SERPINA11: variants seen among roughly 807,000 people sequenced by gnomAD.
SERPINA11 encodes the protein serpin A11.
SERPINA11 carries 28 observed loss-of-function variants against 29.4 expected under a neutral mutation model. The observed-to-expected ratio is 0.95, with a 90% CI of 0.70 to 1.30. SERPINA11 has a LOEUF of 1.30. Ranked by LOEUF, SERPINA11 falls within the 50% of genes most tolerant of loss-of-function variation. SERPINA11 has a pLI of 0.00. For missense variants in SERPINA11, 530 were observed against 507.3 expected (o/e 1.04, Z -0.43); for synonymous variants, 253 against 206.6 (o/e 1.22, Z -1.92).
intron 1 of SERPINA11, among the ~76,000 whole-genome samples, chr14:94,449,629 C>CA: frequency 6.6e-6 from 1 of 150,670 alleles, no homozygotes; most frequent in Non-Finnish European, 1.5e-5. Flanking sequence ...TCTCTCCAGT[C>CA]ATTCTTTCAA....
intron 1 of SERPINA11, among the ~76,000 whole-genome samples, chr14:94,449,938 CA>C (rs1898556649): frequency 6.6e-6 from 1 of 152,178 alleles, no homozygotes; most frequent in African/African-American, 2.4e-5. Context: ...GGTCAGGCCC[CA>C]AGAGAAAGAA....
At position 94,446,597 on chromosome 14, in the gene SERPINA11, C is replaced by G; in HGVS notation, c.651G>C (p.Trp217Cys). Residue 217 changes from tryptophan to cysteine, a missense_variant, in exon 3 of 5, where the codon TGG becomes TGC. Coordinates refer to ENST00000334708, the MANE Select transcript of SERPINA11 (RefSeq NM_001080451.2). Reference sequence around the variant, plus strand: ...TCTGGTAGCGACTGAAAGGGTGCTTCCACTTGGCTTAGGACACAAAACCCA... The same window carrying G: ...TCTGGTAGCGACTGAAAGGGTGCTTGCACTTGGCTTAGGACACAAAACCCA... ...LANYIFFKAK[W>C]KHPFSRYQTQ... 1 of 1,613,318 alleles carries G rather than the reference C, an allele frequency of 6.2e-7. No individual in the cohort carries two copies. The highest frequency in any genetic ancestry group is 2.2e-5 in the East Asian group (1 of 44,890).
chr14:94,447,201 C>T (rs1898461505), intron 2 of SERPINA11, among the ~76,000 whole-genome samples: 1 of 152,168 alleles, frequency 6.6e-6, no homozygotes, highest in Non-Finnish European at 1.5e-5. Flanking sequence ...AGGCAAAAGC[C>T]CATTAAGATG....
chr14:94,449,636 T>A (rs576770484), intron 1 of SERPINA11, among the ~76,000 whole-genome samples: 1 of 151,506 alleles, frequency 6.6e-6, no homozygotes, highest in African/African-American at 2.4e-5. Context: ...AGTCATTCTT[T>A]CAATCATTCA....
In SERPINA11 at chr14:94,446,432, G is replaced by A. The variant is rs138198677; in HGVS notation, c.816C>T (p.Ala272=). The change falls in exon 3 of 5, where the codon GCC becomes GCT. Residue 272 remains alanine (A), a synonymous_variant. Coordinates refer to ENST00000334708, the MANE Select transcript of SERPINA11 (RefSeq NM_001080451.2). ...TVLQIEYRGN[A]LALLVLPDPG... ...GGTCAGGGAGGACCAGCAGCGCCAAGGCATTTCCTCTGTATTCTATCTGGA... is the reference window on the plus strand; with the variant it reads ...GGTCAGGGAGGACCAGCAGCGCCAAAGCATTTCCTCTGTATTCTATCTGGA... The A allele has an allele frequency of 1.1e-5, 17 of 1,614,036 alleles. No homozygotes were observed. Among genetic ancestry groups the A allele is most frequent in the African/African-American group, 4.0e-5 (3 of 74,928 alleles).
intron 1 of SERPINA11, among the ~76,000 whole-genome samples, chr14:94,452,131 C>A (rs1053157238): frequency 1.3e-5 from 2 of 152,134 alleles, no homozygotes; most frequent in African/African-American, 4.8e-5. Context: ...TTGAAGCACC[C>A]AGAATAGTCA....
intron 1 of SERPINA11, among the ~76,000 whole-genome samples, chr14:94,451,787 G>A (rs528524712): frequency 6.6e-6 from 1 of 152,298 alleles, no homozygotes; most frequent in East Asian, 1.9e-4. Context: ...GACAGTCAAA[G>A]TACAAAGCTC....
rs1243656394 is a variant in SERPINA11, at chr14:94,448,477, G to T, written c.298C>A (p.Leu100Met). The change falls in exon 2 of 5, where the codon CTG (leucine) becomes ATG (methionine). Residue 100 changes from leucine to methionine, a missense_variant. Coordinates refer to ENST00000334708, the MANE Select transcript of SERPINA11 (RefSeq NM_001080451.2). ...GAQANTSALI[L>M]EGLGFNLTET... is the part of the protein sequence containing the mutation. ...GTGAGGTTGAATCCCAGGCCCTCCAGGATCAGAGCTGAGGTGTTAGCTTGG... is the reference window on the plus strand; with the variant it reads ...GTGAGGTTGAATCCCAGGCCCTCCATGATCAGAGCTGAGGTGTTAGCTTGG... The T allele has an allele frequency of 3.7e-6, 6 of 1,614,094 alleles. No individual in the cohort carries two copies. The highest frequency in any genetic ancestry group is 5.1e-6 in the Non-Finnish European group (6 of 1,180,046).
At chr14:94,447,382 G>A (rs144637219) in intron 2 of SERPINA11, among the ~76,000 whole-genome samples, 205 of 152,270 alleles carry the variant, frequency 1.3e-3, no homozygotes, top group Middle Eastern at 6.8e-3. Context: ...CAATGACCAA[G>A]TATTGCTGAT....
chr14:94,449,478 TTTCTGTC>T, intron 1 of SERPINA11, among the ~76,000 whole-genome samples: 1 of 116,512 alleles, frequency 8.6e-6, no homozygotes, highest in African/African-American at 4.5e-5. Context: ...TCTTTCTTTC[TTTCTGTC>T]TGTCTGTCTT....
chr14:94,442,944 T>C, intron 4 of SERPINA11, 134 bp downstream of exon 4: 1 of 1,279,542 alleles, frequency 7.8e-7, no homozygotes, highest in Non-Finnish European at 1.1e-6. Flanking sequence ...AAGAGATGCC[T>C]TAAAGACTGT....
At chr14:94,443,843 A>G (rs1381481306) in intron 3 of SERPINA11, among the ~76,000 whole-genome samples, 1 of 152,200 alleles carries the variant, frequency 6.6e-6, no homozygotes, top group Non-Finnish European at 1.5e-5. Flanking sequence ...GAGCATCTTT[A>G]CCATCTGATT....
At chr14:94,444,574 G>T (rs1230455957) in intron 3 of SERPINA11, among the ~76,000 whole-genome samples, 1 of 152,114 alleles carries the variant, frequency 6.6e-6, no homozygotes, top group Non-Finnish European at 1.5e-5. Flanking sequence ...AGGAGCCAGG[G>T]ACTATGGGGC....
At chr14:94,449,556 T>C (rs554005281) in intron 1 of SERPINA11, among the ~76,000 whole-genome samples, 1 of 150,734 alleles carries the variant, frequency 6.6e-6, no homozygotes, top group African/African-American at 2.5e-5. Flanking sequence ...TTTCTCTTTC[T>C]TTCTTTCTTT....
chr14:94,442,767 C>T lies in SERPINA11; in HGVS notation c.1108G>A (p.Glu370Lys), dbSNP rs764882095. Residue 370 changes from glutamate (E) to lysine (K), a missense_variant, in exon 5 of 5, where the codon GAG becomes AAG. Glu to Lys is a moderately conservative substitution (Grantham distance 56). Coordinates refer to ENST00000334708, the MANE Select transcript of SERPINA11 (RefSeq NM_001080451.2). The part of the protein sequence containing the change: ...AMVDMSEKGT[E>K]AGAASGLLSQ... ...AGGAGGCCTGAAGCAGCCCCGGCCT[C>T]GGTCCCCTTCTCACTCATGTCCACC... is the stretch of plus-strand genomic sequence containing the variant. 4.0e-5 allele frequency: 64 copies of T among 1,612,658 alleles called. No individual in the cohort carries two copies. Among genetic ancestry groups the T allele is most frequent in the Non-Finnish European group, 4.6e-5 (54 of 1,179,608 alleles).
chr14:94,448,589 A>G lies in SERPINA11; in HGVS notation c.186T>C (p.Tyr62=). ...CGGGGGCGTCTGCTGCCAGCTCTTT[A>G]TACAAACGCAAAGCAAAATTGGTAA... ...PTITNFALRL[Y]KELAADAPGN... is the part of the protein sequence containing the mutation. Residue 62 remains tyrosine (Y), a synonymous_variant, in exon 2 of 5, where the codon TAT becomes TAC. Coordinates refer to ENST00000334708, the MANE Select transcript of SERPINA11 (RefSeq NM_001080451.2). 1 of 1,613,914 alleles carries G rather than the reference A, an allele frequency of 6.2e-7. No homozygotes were observed. Among genetic ancestry groups the G allele is most frequent in the Non-Finnish European group, 8.5e-7 (1 of 1,179,858 alleles).
Position 94,446,546 on chromosome 14 carries a change from C to T in SERPINA11, c.702G>A (p.Val234=). 1 of 1,614,156 alleles carries T rather than the reference C, an allele frequency of 6.2e-7. No individual in the cohort carries two copies. Among genetic ancestry groups the T allele is most frequent in the Non-Finnish European group, 8.5e-7 (1 of 1,180,024 alleles). Reference sequence around the variant, plus strand: ...GGACCTGGAGAGAAGTCCTCTCATCCACAAAGAAACTTTCCTGCTTCTGGG... The same window carrying T: ...GGACCTGGAGAGAAGTCCTCTCATCTACAAAGAAACTTTCCTGCTTCTGGG... The part of the protein sequence containing the change: ...YQTQKQESFF[V]DERTSLQVPM... Residue 234 remains valine, a synonymous_variant, in exon 3 of 5, where the codon GTG becomes GTA. Coordinates refer to ENST00000334708, the MANE Select transcript of SERPINA11 (RefSeq NM_001080451.2).
At chr14:94,443,349 C>G (rs1898379517) in intron 3 of SERPINA11, 124 bp from the exon 4 acceptor site, 1 of 855,296 alleles carries the variant, frequency 1.2e-6, no homozygotes, top group Admixed American at 2.7e-5. Flanking sequence ...AACCAGTCTT[C>G]CCATGACACT....
intron 3 of SERPINA11, 58 bp downstream of exon 3, chr14:94,446,273 A>G: frequency 6.6e-7 from 1 of 1,517,060 alleles, no homozygotes. Flanking sequence ...GGAGTTGATC[A>G]AGACCTGCTG....
Sources: allele counts gnomAD v4.1 joint callset (sites outside exome capture counted in the v4.1 genomes callset), GRCh38; gene constraint gnomAD v4.1.1; transcripts MANE v1.5; gene names NCBI Gene and HGNC (gene_info 2026-07-23, HGNC 2026-07-21).